ZNF274: variants seen among roughly 807,000 people sequenced by gnomAD.
The protein encoded by ZNF274 is zinc finger protein 274.
ZNF274 carries 23 observed loss-of-function variants against 42.5 expected under a neutral mutation model. That is an observed-to-expected ratio of 0.54 (90% CI 0.39 to 0.77). ZNF274 has a LOEUF of 0.77. Among genes scored for constraint, ZNF274 ranks in the 30% least tolerant of loss-of-function variants. ZNF274 has a pLI of 0.00. For synonymous variants in ZNF274, 292 were observed against 305.4 expected, an observed-to-expected ratio of 0.96 and a Z score of 0.46; for missense variants, 679 against 806.5, an observed-to-expected ratio of 0.84 and a Z score of 1.91.
At chr19:58,203,964 GCTCTGGGCAGATCCCAGCGCGGAGCTGA>G (rs1299947561) in intron 4 of ZNF274, among the ~76,000 whole-genome samples, 1 of 152,248 alleles carries the variant, frequency 6.6e-6, no homozygotes, top group Non-Finnish European at 1.5e-5. Context: ...GCGGGCACTG[GCTCTGGGCAGATCCCAGCGCGGAGCTGA>G]CTCCCTGGGC....
chr19:58,188,694 G>GTATGTATATATATATATA (rs1555816898), intron 4 of ZNF274, among the ~76,000 whole-genome samples: 2 of 74,656 alleles, frequency 2.7e-5, no homozygotes, highest in African/African-American at 1.1e-4. Context: ...ATATGTATAT[G>GTATGTATATATATATATA]TATATATATA....
rs2075652397 is a variant in ZNF274 at position 58,183,333 on chromosome 19, G to C, written c.-155G>C. ...CCGGCCAGTCAAGATGGCCGCCGCT[G>C]GGTGAGGCAAGCTGGCGCGCCGCGG... On this transcript the variant is annotated 5_prime_UTR_variant, in exon 1 of 8. Transcript: ENST00000617501. 6.6e-6 allele frequency: 1 copy of C among 152,340 alleles called. No homozygotes were observed. Among genetic ancestry groups the C allele is most frequent in the Non-Finnish European group, 1.5e-5 (1 of 68,062 alleles). 9.4% of individuals were successfully genotyped at this position (152,340 alleles called of 1,614,324 possible).
At chr19:58,204,434 T>G (rs1600152026) in intron 4 of ZNF274, among the ~76,000 whole-genome samples, 1 of 152,098 alleles carries the variant, frequency 6.6e-6, no homozygotes, top group Admixed American at 6.5e-5. Context: ...GTGTGGACGG[T>G]GCTATTCTGG....
intron 4 of ZNF274, among the ~76,000 whole-genome samples, chr19:58,193,490 T>C (rs1488984518): frequency 1.7e-5 from 2 of 115,588 alleles, no homozygotes; most frequent in Admixed American, 1.2e-4. Flanking sequence ...CGCTCTGTCA[T>C]CCAGGCTTCT....
intron 4 of ZNF274, 126 bp from the exon 5 acceptor site, chr19:58,206,594 G>A: frequency 9.2e-7 from 1 of 1,085,112 alleles, no homozygotes; most frequent in Admixed American, 2.9e-5. Context: ...TTTGGTAACA[G>A]CCATGCTAGT....
chr19:58,209,875 G>A, intron 5 of ZNF274, 86 bp from the exon 6 acceptor site: 4 of 806,288 alleles, frequency 5.0e-6, no homozygotes, highest in Non-Finnish European at 8.0e-6. Flanking sequence ...GGGTGCGGTG[G>A]CCCCATGGGT....
chr19:58,207,015 G>T lies in ZNF274; in HGVS notation c.552G>T (p.Glu184Asp), dbSNP rs1471121194. 6.8e-6 allele frequency: 11 copies of T among 1,611,574 alleles called. No homozygotes were observed. Among genetic ancestry groups the T allele is most frequent in the Non-Finnish European group, 9.3e-6 (11 of 1,178,966 alleles). Residue 184 changes from glutamate to aspartate, a missense_variant, in exon 5 of 8, where the codon GAG (glutamate) becomes GAT (aspartate). Coordinates refer to ENST00000617501, the MANE Select transcript of ZNF274 (RefSeq NM_133502.3). This position sits in a 1 kb window ranked among gnomAD's most constrained non-coding sequence, Gnocchi z 5.6. ...GGGAGGCCCTGGACCAGCTCCGAGA[G>T]CTGTGTCACCAGTGGCTACAGCCTA... ...GPREALDQLR[E>D]LCHQWLQPKA...
intron 4 of ZNF274, among the ~76,000 whole-genome samples, chr19:58,190,867 C>G (rs1192377392): frequency 6.6e-6 from 1 of 152,196 alleles, no homozygotes; most frequent in Non-Finnish European, 1.5e-5. Context: ...AACCCCCATC[C>G]TTGGTGATGA....
intron 4 of ZNF274, among the ~76,000 whole-genome samples, chr19:58,189,550 T>C (rs2075753929): frequency 6.6e-6 from 1 of 152,202 alleles, no homozygotes; most frequent in Non-Finnish European, 1.5e-5. Flanking sequence ...TCTCCCTTGA[T>C]CTTTTCTGTC....
At chr19:58,200,465 T>C (rs945658474) in intron 4 of ZNF274, among the ~76,000 whole-genome samples, 3 of 152,058 alleles carry the variant, frequency 2.0e-5, no homozygotes, top group Non-Finnish European at 2.9e-5. Flanking sequence ...ATGGGATACA[T>C]TGGTGGGGGA....
chr19:58,198,807 C>CTT (rs59644027), intron 4 of ZNF274, among the ~76,000 whole-genome samples: 15 of 131,486 alleles, frequency 1.1e-4, no homozygotes, highest in African/African-American at 3.4e-4. Context: ...TTAACTTTGA[C>CTT]TTTTTTTTTT....
intron 5 of ZNF274, chr19:58,209,651 C>T (rs1201172651): frequency 2.7e-5 from 6 of 225,176 alleles, no homozygotes; most frequent in Non-Finnish European, 5.3e-5. Context: ...AGCTGCCTCA[C>T]AGGAGGGGCT....
chr19:58,210,094 T>C (rs757483143), intron 6 of ZNF274, 21 bp downstream of exon 6: 5 of 1,606,214 alleles, frequency 3.1e-6, no homozygotes, highest in Admixed American at 1.7e-5. Flanking sequence ...AGTATCACCC[T>C]GTTTTGGTCA....
chr19:58,189,497 T>C (rs1436566343), intron 4 of ZNF274, among the ~76,000 whole-genome samples: 1 of 152,200 alleles, frequency 6.6e-6, no homozygotes, highest in Non-Finnish European at 1.5e-5. Flanking sequence ...ATCATATTTG[T>C]CATGGGCTAA....
At position 58,183,742 on chromosome 19, in the gene ZNF274, G is replaced by A. The variant is rs2075659980; in HGVS notation, c.-45-179G>A. On this transcript the variant is annotated intron_variant, in intron 1 of 7. Coordinates refer to ENST00000617501, the MANE Select transcript of ZNF274 (RefSeq NM_133502.3). ...CAGAGGAGGCTCGGTGTCCTCTCGG[G>A]GAGGGGAAAACTGGTCCTATCCAGT... The A allele has an allele frequency of 4.5e-5, 24 of 531,004 alleles. No homozygotes were observed. In the South Asian group the frequency reaches 5.6e-4, roughly 12 times the overall value. The allele number at this position is 531,004 out of a possible 1,614,324, so 32.9% of individuals were successfully genotyped here. A position where few individuals can be genotyped will look rare whatever the true frequency, so the allele number is the denominator to read the frequency against.
rs187115592 is a variant in ZNF274, at chr19:58,206,439, G to A, written c.257-281G>A. On this transcript the variant is annotated intron_variant, in intron 4 of 7. Coordinates refer to ENST00000617501, the MANE Select transcript of ZNF274 (RefSeq NM_133502.3). ...ATTTTCTTAGCTATATATACTTGGGGGGAATGTCTGGGTCATGGATAACTA... is the reference window on the plus strand; with the variant it reads ...ATTTTCTTAGCTATATATACTTGGGAGGAATGTCTGGGTCATGGATAACTA... Among the ~76,000 whole-genome samples, 221 of 152,282 alleles carry A rather than the reference G, an allele frequency of 1.5e-3. 1 individual carries two copies. Among genetic ancestry groups the A allele is most frequent in the Middle Eastern group, 6.8e-3 (2 of 294 alleles).
At chr19:58,188,131 C>T (rs751094090) in intron 4 of ZNF274, among the ~76,000 whole-genome samples, 22 of 151,864 alleles carry the variant, frequency 1.4e-4, no homozygotes, top group Non-Finnish European at 3.1e-4. Flanking sequence ...TTTTTTTGCA[C>T]GAACAAGTTG....
intron 4 of ZNF274, among the ~76,000 whole-genome samples, chr19:58,194,933 G>A (rs1420627597): frequency 6.6e-6 from 1 of 151,938 alleles, no homozygotes; most frequent in Admixed American, 6.6e-5. Flanking sequence ...GCCGGGAGGC[G>A]GAGCTTGCAG....
rs769719451 is a variant in ZNF274 at position 58,183,925 on chromosome 19, C to G, written c.-41C>G. The G allele has an allele frequency of 1.3e-6, 2 of 1,577,410 alleles. No homozygotes were observed. The highest frequency in any genetic ancestry group is 1.8e-5 in the Admixed American group (1 of 54,066). On this transcript the variant is annotated 5_prime_UTR_variant, in exon 2 of 8. Transcript: ENST00000617501. ...TCCCAACTTCGGTTTCCTCAGGACT[C>G]TGCCCACTTCCACCAGAGACACATT... is the stretch of plus-strand genomic sequence containing the variant.
Sources: allele counts gnomAD v4.1 joint callset (sites outside exome capture counted in the v4.1 genomes callset), GRCh38; gene constraint gnomAD v4.1.1; non-coding constraint Gnocchi (gnomAD v3.1); transcripts MANE v1.5; gene names NCBI Gene and HGNC (gene_info 2026-07-23, HGNC 2026-07-21).